Variants in SATB1 observed in about 807,000 individuals in gnomAD.
SATB1 encodes DNA-binding protein SATB1.
In SATB1, 11 loss-of-function variants were observed where a neutral mutation model predicts 86.9. The ratio of observed to expected loss-of-function variants is 0.13; its 90% CI spans 0.08 to 0.21. The LOEUF is 0.21. Ranked by LOEUF, SATB1 falls within the 10% of genes least tolerant of loss-of-function variation. SATB1 has a pLI of 1.00. For missense variants in SATB1, 551 were observed against 937.6 expected (o/e 0.59, Z 5.39); for synonymous variants, 357 against 357.2 (o/e 1.00, Z 0.01).
chr3:18,390,848 A>T (rs1696622715), intron 7 of SATB1, among the ~76,000 whole-genome samples: 1 of 152,186 alleles, frequency 6.6e-6, no homozygotes, highest in African/African-American at 2.4e-5. Flanking sequence ...GGTATTAAGG[A>T]ATGTATTTGC....
At chr3:18,420,642 G>A in intron 2 of SATB1, 115 bp downstream of exon 2, 1 of 806,636 alleles carries the variant, frequency 1.2e-6, no homozygotes, top group Non-Finnish European at 2.1e-6. Context: ...ACGATCATAA[G>A]GAGAATAAAG....
In SATB1 at chr3:18,349,777, A is replaced by G; in HGVS notation, c.1780-95T>C. 6.8e-7 allele frequency: 1 copy of G among 1,465,282 alleles called. No individual in the cohort carries two copies. Among genetic ancestry groups the G allele is most frequent in the Non-Finnish European group, 9.0e-7 (1 of 1,112,128 alleles). 90.8% of individuals were successfully genotyped at this position (1,465,282 alleles called of 1,614,324 possible). ...GGAAAAATGTGGTCCCGGATCCTAC[A>G]TATAGCTTCTTTGATAGGGATGAAG... On this transcript the variant is annotated intron_variant, in intron 10 of 10. Transcript: ENST00000338745. This position sits in a 1 kb window ranked among gnomAD's most constrained non-coding sequence, Gnocchi z 5.5.
rs116036967 is a variant in SATB1 at position 18,401,095 on chromosome 3, T to C, written c.640-3805A>G. Among the ~76,000 whole-genome samples the C allele has an allele frequency of 4.0e-3, 608 of 151,982 alleles. 4 individuals are homozygous for C. Among genetic ancestry groups the C allele is most frequent in the African/African-American group, 0.014 (592 of 41,282 alleles). ...ATCCTTGCTTCCATGAGGCCTTTCC[T>C]AACTTCCCAAACCTCCTGCAGCAGA... is the stretch of plus-strand genomic sequence containing the variant. On this transcript the variant is annotated intron_variant, in intron 5 of 10. Transcript: ENST00000338745.
At chr3:18,353,781 C>G (rs1239650280) in intron 9 of SATB1, among the ~76,000 whole-genome samples, 2 of 152,168 alleles carry the variant, frequency 1.3e-5, no homozygotes, top group Admixed American at 1.3e-4. Context: ...CTTCCTAAGG[C>G]CTATCTGCTA....
upstream of SATB1, among the ~76,000 whole-genome samples, chr3:18,440,779 T>A (rs1170830178): frequency 1.4e-5 from 2 of 141,648 alleles, no homozygotes; most frequent in Non-Finnish European, 3.3e-5. Context: ...TTTGTAAAAA[T>A]CATCACAGAG....
rs1178003382 is a variant in SATB1 at position 18,417,581 on chromosome 3, T to C, written c.212-503A>G. The C allele has an allele frequency of 9.3e-6, 6 of 645,438 alleles. No individual in the cohort carries two copies. In the East Asian group the frequency reaches 1.7e-4, roughly 18 times the overall value. 40.0% of individuals were successfully genotyped at this position (645,438 alleles called of 1,614,324 possible). A position where few individuals can be genotyped will look rare whatever the true frequency, so the allele number is the denominator to read the frequency against. ...CGAAATTTTCATTTTCTTCCTTTTT[T>C]AGATATTAACTCTAACTGGTTCCAC... On this transcript the variant is annotated intron_variant, in intron 2 of 10. Transcript: ENST00000338745.
At position 18,444,858 on chromosome 3, in the gene SATB1, G is replaced by C. The variant is rs1699339560; in HGVS notation, c.-25+660C>G. On this transcript the variant is annotated intron_variant, in intron 1 of 3. Coordinates refer to the SATB1 transcript ENST00000415069. This position sits in a 1 kb window ranked among gnomAD's most constrained non-coding sequence, Gnocchi z 5.1. ...GCGAGGAGCGAGCGAGCGAGCGCGCGGGGCCAAGGGAAGGAAGAGAAGGAG... is the reference window on the plus strand; with the variant it reads ...GCGAGGAGCGAGCGAGCGAGCGCGCCGGGCCAAGGGAAGGAAGAGAAGGAG... The C allele has an allele frequency of 6.7e-6, 1 of 149,704 alleles. No homozygotes were observed. Among genetic ancestry groups the C allele is most frequent in the African/African-American group, 2.5e-5 (1 of 39,448 alleles). 9.3% of individuals were successfully genotyped at this position (149,704 alleles called of 1,614,324 possible).
rs571032023 is a variant in SATB1, at chr3:18,367,694, C to T, written c.1575+10476G>A. On this transcript the variant is annotated intron_variant, in intron 9 of 10. Transcript: ENST00000338745. Reference sequence around the variant, plus strand: ...TGAGAATACTGATCTTGTTAAACTCCGTATACACAACAGCATCCCTAACGA... The same window carrying T: ...TGAGAATACTGATCTTGTTAAACTCTGTATACACAACAGCATCCCTAACGA... Among the ~76,000 whole-genome samples, 6 of 152,230 alleles carry T rather than the reference C, an allele frequency of 3.9e-5. No homozygotes were observed. The South Asian group carries it at 8.3e-4, about 21-fold the overall frequency.
At chr3:18,430,076 T>C (rs1698839312), upstream of SATB1, among the ~76,000 whole-genome samples, 1 of 152,240 alleles carries the variant, frequency 6.6e-6, no homozygotes, top group Non-Finnish European at 1.5e-5. Context: ...AAATTTATGA[T>C]TTAATTCCTC....
chr3:18,406,342 G>T (rs907063905), intron 5 of SATB1, among the ~76,000 whole-genome samples: 1 of 151,928 alleles, frequency 6.6e-6, no homozygotes, highest in Non-Finnish European at 1.5e-5. Flanking sequence ...TAACATTTCC[G>T]TATTGGCAAC....
At chr3:18,351,775 G>C (rs773221836) in intron 10 of SATB1, 21 of 566,358 alleles carry the variant, frequency 3.7e-5, no homozygotes, top group Non-Finnish European at 6.2e-5. Flanking sequence ...CTGTTGCTTT[G>C]GTGGCTGGGA....
intron 9 of SATB1, among the ~76,000 whole-genome samples, chr3:18,359,445 A>G (rs916930199): frequency 6.6e-6 from 1 of 152,046 alleles, no homozygotes; most frequent in Admixed American, 6.6e-5. Flanking sequence ...CAGTTAGCAA[A>G]AAGAGGAGCT....
chr3:18,366,221 T>C (rs547178234), intron 9 of SATB1, among the ~76,000 whole-genome samples: 1 of 151,558 alleles, frequency 6.6e-6, no homozygotes, highest in Non-Finnish European at 1.5e-5. Context: ...TACCAATTTA[T>C]AAACTTGCAA....
chr3:18,445,141 G>A lies in SATB1; in HGVS notation c.-25+377C>T, dbSNP rs1362131182. ...CGGACCCCGCGTAGCCGCCGCTTCG[G>A]AGCTTGTGCGGCGCGGGCTGGCCAG... On this transcript the variant is annotated intron_variant, in intron 1 of 3. Transcript: ENST00000415069. The A allele has an allele frequency of 6.9e-6, 6 of 864,084 alleles. No homozygotes were observed. The South Asian group carries it at 2.6e-4, about 38-fold the overall frequency. 53.5% of individuals were successfully genotyped at this position (864,084 alleles called of 1,614,324 possible).
At chr3:18,406,115 A>G (rs1292468449) in intron 5 of SATB1, among the ~76,000 whole-genome samples, 1 of 152,012 alleles carries the variant, frequency 6.6e-6, no homozygotes, top group African/African-American at 2.4e-5. Flanking sequence ...GATCACGCAG[A>G]AAGTGGACAA....
At chr3:18,357,352 A>G (rs1254737452) in intron 9 of SATB1, among the ~76,000 whole-genome samples, 1 of 151,934 alleles carries the variant, frequency 6.6e-6, no homozygotes, top group Non-Finnish European at 1.5e-5. Flanking sequence ...TACTTCTAAC[A>G]AAAAATTCAG....
rs1699308045 is a variant in SATB1 at position 18,443,901 on chromosome 3, C to A, written c.-25+1617G>T. On this transcript the variant is annotated intron_variant, in intron 1 of 3. Transcript: ENST00000415069. The surrounding 1 kb of genome is among the most constrained non-coding windows in gnomAD (Gnocchi z 4.4). ...TTCACGCCAGCAGCCTCTCCAGGAC[C>A]GGCCTCGCTACAGCCAGCGAGGGCT... Among the ~76,000 whole-genome samples the A allele has an allele frequency of 6.6e-6, 1 of 152,202 alleles. No individual in the cohort carries two copies. Among genetic ancestry groups the A allele is most frequent in the African/African-American group, 2.4e-5 (1 of 41,452 alleles).
At chr3:18,351,323 G>C in intron 10 of SATB1, 1 of 1,546,198 alleles carries the variant, frequency 6.5e-7, no homozygotes, top group Non-Finnish European at 8.7e-7. Flanking sequence ...CTGAGGAGCA[G>C]CACCGAGCCA....
At chr3:18,420,358 A>G (rs1321531161) in intron 2 of SATB1, among the ~76,000 whole-genome samples, 1 of 152,220 alleles carries the variant, frequency 6.6e-6, no homozygotes, top group Non-Finnish European at 1.5e-5. Context: ...AAACTGCCCT[A>G]CAACTAAGAA....
Sources: gnomAD v4.1 joint callset for allele counts (sites outside exome capture counted in the v4.1 genomes callset) on GRCh38, gnomAD v4.1.1 for gene constraint, Gnocchi (gnomAD v3.1) non-coding constraint, MANE v1.5 for transcripts, NCBI Gene and HGNC (gene_info 2026-07-23, HGNC 2026-07-21) for gene names.